Variants in HMCN1 observed in about 807,000 individuals in gnomAD.
HMCN1 encodes hemicentin 1, also known as hemicentin-1.
HMCN1 carries 321 observed loss-of-function variants against 625.9 expected under a neutral mutation model. The observed-to-expected ratio is 0.51, with a 90% CI of 0.47 to 0.56. The LOEUF is 0.56. HMCN1 is among the 20% of genes least tolerant of loss of function. HMCN1 has a pLI of 0.00. For missense variants in HMCN1, 6,588 were observed against 6,887.3 expected, an observed-to-expected ratio of 0.96 and a Z score of 1.54; for synonymous variants, 2,425 against 2,417.6, an observed-to-expected ratio of 1.00 and a Z score of -0.09.
Position 186,171,995 on chromosome 1 carries a change from C to G in HMCN1, c.15689-11C>G, listed in dbSNP as rs778744144. 2.8e-5 allele frequency: 45 copies of G among 1,612,064 alleles called. No individual in the cohort carries two copies. The South Asian group carries it at 4.8e-4, about 17-fold the overall frequency. On this transcript the variant is annotated splice_polypyrimidine_tract_variant and intron_variant, in intron 101 of 106. Coordinates refer to ENST00000271588, the MANE Select transcript of HMCN1 (RefSeq NM_031935.3). ...TTTCTTAATCTACATTACCTTTGTTCTTTTATCAAGATGTGAACGAGTGTA... is the reference window on the plus strand; with the variant it reads ...TTTCTTAATCTACATTACCTTTGTTGTTTTATCAAGATGTGAACGAGTGTA...
At position 186,069,866 on chromosome 1, in the gene HMCN1, T is replaced by C; in HGVS notation, c.7993+90T>C. Reference sequence around the variant, plus strand: ...TTTTCATTATGGGTTCATAATTATTTATACTCACCATTAAAGACTTGTTTG... The same window carrying C: ...TTTTCATTATGGGTTCATAATTATTCATACTCACCATTAAAGACTTGTTTG... On this transcript the variant is annotated intron_variant, in intron 51 of 106. Coordinates refer to ENST00000271588, the MANE Select transcript of HMCN1 (RefSeq NM_031935.3). The C allele has an allele frequency of 3.7e-6, 3 of 816,022 alleles. No individual in the cohort carries two copies. The South Asian group carries it at 4.4e-5, about 12-fold the overall frequency. The allele number at this position is 816,022 out of a possible 1,614,324, so 50.5% of individuals were successfully genotyped here.
intron 41 of HMCN1, among the ~76,000 whole-genome samples, chr1:186,047,146 G>T (rs1045665666): frequency 6.6e-6 from 1 of 152,086 alleles, no homozygotes; most frequent in Non-Finnish European, 1.5e-5. Flanking sequence ...AGTATGTTAC[G>T]GGCAAAGGAT....
chr1:186,092,068 G>A (rs1031657122), intron 64 of HMCN1, among the ~76,000 whole-genome samples: 1 of 151,850 alleles, frequency 6.6e-6, no homozygotes, highest in Non-Finnish European at 1.5e-5. Flanking sequence ...ATAAAGATAA[G>A]ATCTTTTATA....
At chr1:186,030,533 T>C (rs1179950500) in intron 36 of HMCN1, among the ~76,000 whole-genome samples, 1 of 152,038 alleles carries the variant, frequency 6.6e-6, no homozygotes, top group Non-Finnish European at 1.5e-5. Flanking sequence ...GTTTGCATCA[T>C]ATATTGTTTT....
chr1:186,016,304 A>C, intron 32 of HMCN1, 65 bp downstream of exon 32: 3 of 1,473,780 alleles, frequency 2.0e-6, no homozygotes, highest in Non-Finnish European at 2.8e-6. Context: ...TTTGTTAAAT[A>C]CTTTTTTGTT....
rs1389133284 is a variant in HMCN1 at position 186,117,011 on chromosome 1, C to T, written c.11579C>T (p.Ser3860Leu). 1.2e-6 allele frequency: 2 copies of T among 1,612,990 alleles called. No homozygotes were observed. The highest frequency in any genetic ancestry group is 3.3e-5 in the Admixed American group (2 of 59,978). ...TCTTCTAGGCTCCTTTCTTCAGGTT[C>T]ACTAGTAATTATTTCCCCTTCTGTG... is the stretch of plus-strand genomic sequence containing the variant. ...QNSYRLLSSG[S>L]LVIISPSVDD... The change falls in exon 76 of 107, where the codon TCA becomes TTA. Residue 3860 changes from serine (S) to leucine (L), a missense_variant. By Grantham distance (145) the Ser-to-Leu change is moderately radical. Coordinates refer to ENST00000271588, the MANE Select transcript of HMCN1 (RefSeq NM_031935.3).
rs2102418182 is a variant in HMCN1 at position 186,093,660 on chromosome 1, A to C, written c.10187A>C (p.Gln3396Pro). 1 of 1,613,272 alleles carries C rather than the reference A, an allele frequency of 6.2e-7. No homozygotes were observed. Among genetic ancestry groups the C allele is most frequent in the Non-Finnish European group, 8.5e-7 (1 of 1,179,510 alleles). ...SSHIRLLAAG[Q>P]VIRIVRAQVS... ...CATATCCGGTTACTGGCAGCAGGAC[A>C]AGTTATCAGGTCAGCTTTTATTGTG... Residue 3396 changes from glutamine to proline, a missense_variant, in exon 66 of 107, where the codon CAA becomes CCA. Physicochemically the swap from Gln to Pro is moderately conservative, Grantham distance 76. This residue lies in a region of HMCN1 where 4,628 missense variants were observed against 4,853.1 expected (regional missense o/e 0.95). Transcript: ENST00000271588.
intron 1 of HMCN1, among the ~76,000 whole-genome samples, chr1:185,825,117 T>C (rs1660433836): frequency 6.6e-6 from 1 of 152,132 alleles, no homozygotes; most frequent in African/African-American, 2.4e-5. Context: ...TTATTGAACA[T>C]CTATGTGTTA....
At chr1:186,013,099 GA>G (rs1571715051) in intron 30 of HMCN1, among the ~76,000 whole-genome samples, 1 of 152,020 alleles carries the variant, frequency 6.6e-6, no homozygotes, top group East Asian at 1.9e-4. Context: ...ACAGTAAGCT[GA>G]ACAGAGGTAG....
intron 86 of HMCN1, among the ~76,000 whole-genome samples, chr1:186,135,738 C>T (rs1444117121): frequency 2.0e-5 from 3 of 152,188 alleles, no homozygotes; most frequent in East Asian, 1.9e-4. Flanking sequence ...ATCATTTCTA[C>T]TTTCTTAATA....
chr1:185,989,765 G>T, intron 21 of HMCN1, 118 bp downstream of exon 21: 31 of 701,690 alleles, frequency 4.4e-5, no homozygotes, highest in Non-Finnish European at 6.5e-5. Flanking sequence ...TGCTCCCCCA[G>T]ATTTCTATTT....
At chr1:185,981,194 C>T (rs1651609020) in intron 17 of HMCN1, 121 bp downstream of exon 17, 1 of 700,176 alleles carries the variant, frequency 1.4e-6, no homozygotes, top group South Asian at 1.5e-5. Context: ...ATTACTAGAC[C>T]AGCCTTCCCT....
Position 185,911,539 on chromosome 1 carries a change from AG to A in HMCN1, c.794-134del, listed in dbSNP as rs1342970030. 9.1e-6 allele frequency: 7 copies of A among 772,998 alleles called. No individual in the cohort carries two copies. In the African/African-American group the frequency reaches 1.0e-4, roughly 11 times the overall value. 47.9% of individuals were successfully genotyped at this position (772,998 alleles called of 1,614,324 possible). ...ATAAAGACTCTTTGGGTTAGTTTGCAGCACACTTTGGTAAAAAATGAGCCAG... is the reference window on the plus strand; with the variant it reads ...ATAAAGACTCTTTGGGTTAGTTTGCACACACTTTGGTAAAAAATGAGCCAG... On this transcript the variant is annotated intron_variant, in intron 5 of 106. Transcript: ENST00000271588.
intron 1 of HMCN1, among the ~76,000 whole-genome samples, chr1:185,842,528 C>A (rs1017289113): frequency 6.6e-6 from 1 of 151,780 alleles, no homozygotes; most frequent in East Asian, 1.9e-4. Flanking sequence ...CATGCCATTG[C>A]ACTGCAGCCT....
chr1:186,002,503 A>T (rs1027450111), intron 28 of HMCN1, among the ~76,000 whole-genome samples: 4 of 152,068 alleles, frequency 2.6e-5, no homozygotes, highest in African/African-American at 7.2e-5. Flanking sequence ...AAAGCCTGAA[A>T]TTTTTCTTCC....
At chr1:186,151,937 G>A (rs928821405) in intron 95 of HMCN1, among the ~76,000 whole-genome samples, 194 bp downstream of exon 95, 2 of 152,044 alleles carry the variant, frequency 1.3e-5, no homozygotes, top group African/African-American at 4.8e-5. Context: ...GTGTTCTCAA[G>A]CAGTCATTTT....
chr1:185,797,872 A>G (rs930495981), intron 1 of HMCN1, among the ~76,000 whole-genome samples: 59 of 128,448 alleles, frequency 4.6e-4, no homozygotes, highest in Non-Finnish European at 7.3e-4. Flanking sequence ...AGGCTGAGGC[A>G]GGAGAATGGT....
intron 1 of HMCN1, among the ~76,000 whole-genome samples, chr1:185,748,033 A>ATTTT (rs1416939512): frequency 8.1e-5 from 11 of 135,666 alleles, no homozygotes; most frequent in Admixed American, 3.7e-4. Flanking sequence ...GGGTACTTAA[A>ATTTT]ATTTTTTTTT....
intron 88 of HMCN1, 52 bp downstream of exon 88, chr1:186,137,720 T>C (rs760946516): frequency 6.2e-7 from 1 of 1,613,868 alleles, no homozygotes; most frequent in South Asian, 1.1e-5. Flanking sequence ...CCTTCATTTC[T>C]GTCTTCTACC....
Sources: allele counts gnomAD v4.1 joint callset (sites outside exome capture counted in the v4.1 genomes callset), GRCh38; gene constraint gnomAD v4.1.1; regional missense constraint gnomAD v4.1.1; transcripts MANE v1.5; gene names NCBI Gene and HGNC (gene_info 2026-07-23, HGNC 2026-07-21).